VWA3B: variants seen among roughly 807,000 people sequenced by gnomAD.
The protein encoded by VWA3B is von Willebrand factor A domain containing 3B.
In VWA3B, 138 loss-of-function variants were observed where a neutral mutation model predicts 158.3. The ratio of observed to expected loss-of-function variants is 0.87; its 90% CI spans 0.76 to 1.00. The LOEUF is 1.00. VWA3B is among the 50% of genes least tolerant of loss of function. The probability of loss-of-function intolerance (pLI) is 0.00; values close to 1 mark genes in which losing one functional copy is unlikely to be tolerated. For synonymous variants in VWA3B, 596 were observed against 587.3 expected, an observed-to-expected ratio of 1.01 and a Z score of -0.21; for missense variants, 1,555 against 1,565.1, an observed-to-expected ratio of 0.99 and a Z score of 0.11.
chr2:98,302,410 T>C (rs577094894), intron 25 of VWA3B, among the ~76,000 whole-genome samples: 5 of 152,298 alleles, frequency 3.3e-5, no homozygotes, highest in South Asian at 4.1e-4. Flanking sequence ...CTCACAATTG[T>C]TTTTTAAATT....
At chr2:98,089,279 T>C (rs1042604003) in intron 1 of VWA3B, among the ~76,000 whole-genome samples, 2 of 152,146 alleles carry the variant, frequency 1.3e-5, no homozygotes, top group Admixed American at 6.5e-5. Flanking sequence ...TCCGTAGTCA[T>C]TGAACTGTCT....
At chr2:98,168,372 C>CAT (rs58636923) in intron 8 of VWA3B, among the ~76,000 whole-genome samples, 9,241 of 121,362 alleles carry the variant, frequency 0.076, 420 homozygotes, top group African/African-American at 0.16. Flanking sequence ...CTAATACACA[C>CAT]ACATACACAC....
intron 21 of VWA3B, among the ~76,000 whole-genome samples, chr2:98,260,358 A>C (rs1687406376): frequency 6.6e-6 from 1 of 151,726 alleles, no homozygotes; most frequent in Admixed American, 6.6e-5. Context: ...CCCTCCATGT[A>C]TTTGGGATCT....
intron 22 of VWA3B, among the ~76,000 whole-genome samples, chr2:98,286,644 A>G (rs941477034): frequency 2.0e-5 from 3 of 152,172 alleles, no homozygotes; most frequent in Non-Finnish European, 4.4e-5. Context: ...GCCATTGTAT[A>G]TAATCCTTCT....
At chr2:98,253,222 C>T (rs1185982996) in intron 20 of VWA3B, among the ~76,000 whole-genome samples, 1 of 152,122 alleles carries the variant, frequency 6.6e-6, no homozygotes, top group Admixed American at 6.5e-5. Flanking sequence ...ACATTTACCA[C>T]CCCCATCCCC....
chr2:98,294,228 A>G (rs917613590), intron 23 of VWA3B, among the ~76,000 whole-genome samples: 14 of 151,356 alleles, frequency 9.2e-5, no homozygotes, highest in African/African-American at 3.2e-4. Context: ...AAAAAAAAAA[A>G]AAGAAGGCCA....
rs372331193 is a variant in VWA3B at position 98,310,061 on chromosome 2, A to G, written c.3522-1758A>G. ...TTCAGGGCCAGCAGTAGCAATTCAG[A>G]TAGCAACAGCCTTTGCTTATCCATT... On this transcript the variant is annotated intron_variant, in intron 26 of 27. Transcript: ENST00000477737. Among the ~76,000 whole-genome samples the G allele has an allele frequency of 3.3e-5, 5 of 152,302 alleles. No homozygotes were observed. In the East Asian group the frequency reaches 5.8e-4, roughly 18 times the overall value.
chr2:98,202,723 G>A (rs1008482767), intron 12 of VWA3B, among the ~76,000 whole-genome samples: 3 of 151,930 alleles, frequency 2.0e-5, no homozygotes, highest in Non-Finnish European at 2.9e-5. Context: ...TGTTTTCCCC[G>A]TGTCCTTTTT....
intron 19 of VWA3B, among the ~76,000 whole-genome samples, chr2:98,239,618 A>G (rs983711580): frequency 2.0e-5 from 3 of 151,920 alleles, no homozygotes; most frequent in Non-Finnish European, 2.9e-5. Flanking sequence ...GAAAAATGTT[A>G]AGAAAAACAG....
rs535411241 is a variant in VWA3B, at chr2:98,103,432, T to C, written c.196+10144T>C. ...TAATATAATCATTTAAAATTGTAAG[T>C]ATTCCTCTAAGCATTGTTTTAGCTG... On this transcript the variant is annotated intron_variant, in intron 2 of 27. Transcript: ENST00000477737. Among the ~76,000 whole-genome samples the C allele has an allele frequency of 2.0e-5, 3 of 152,300 alleles. No homozygotes were observed. The East Asian group carries it at 5.8e-4, about 29-fold the overall frequency.
chr2:98,199,065 C>A (rs890046961), intron 12 of VWA3B, among the ~76,000 whole-genome samples: 1 of 144,622 alleles, frequency 6.9e-6, no homozygotes, highest in Non-Finnish European at 1.5e-5. Context: ...CCATCCTGGG[C>A]GACAGCGCGA....
intron 22 of VWA3B, among the ~76,000 whole-genome samples, chr2:98,273,518 A>G (rs1688332587): frequency 6.6e-6 from 1 of 152,228 alleles, no homozygotes; most frequent in African/African-American, 2.4e-5. Flanking sequence ...CCTCGCCTGC[A>G]TGCCCTGTGG....
Position 98,198,137 on chromosome 2 carries a change from C to T in VWA3B, c.1737+3645C>T, listed in dbSNP as rs148150103. On this transcript the variant is annotated intron_variant, in intron 12 of 27. Transcript: ENST00000477737. ...ATATTAAATAAGCAAACAAATCATGCGTTCATACTGATACCTCTAATTCCA... is the reference window on the plus strand; with the variant it reads ...ATATTAAATAAGCAAACAAATCATGTGTTCATACTGATACCTCTAATTCCA... Among the ~76,000 whole-genome samples, 1,222 of 152,062 alleles carry T rather than the reference C, an allele frequency of 8.0e-3. 16 individuals carry two copies. The highest frequency in any genetic ancestry group is 0.028 in the African/African-American group (1,169 of 41,468).
At chr2:98,313,690 C>T (rs750320609), downstream of VWA3B, among the ~76,000 whole-genome samples, 8 of 152,200 alleles carry the variant, frequency 5.3e-5, no homozygotes, top group Non-Finnish European at 1.0e-4. Flanking sequence ...TGCCAGCAGA[C>T]TTGGAAGGTG....
intron 17 of VWA3B, 76 bp downstream of exon 17, chr2:98,234,843 A>T: frequency 6.3e-7 from 1 of 1,584,906 alleles, no homozygotes; most frequent in Non-Finnish European, 8.6e-7. Flanking sequence ...AGCTGCGTGT[A>T]GATATGTTGG....
At chr2:98,099,671 C>T (rs886977124) in intron 2 of VWA3B, among the ~76,000 whole-genome samples, 5 of 152,084 alleles carry the variant, frequency 3.3e-5, no homozygotes, top group Non-Finnish European at 5.9e-5. Context: ...ACTCTTTCTA[C>T]CCCTTTATCA....
intron 22 of VWA3B, among the ~76,000 whole-genome samples, chr2:98,276,581 T>C (rs1037664024): frequency 2.6e-5 from 4 of 151,978 alleles, no homozygotes; most frequent in Admixed American, 2.0e-4. Flanking sequence ...GGGCTGCCCA[T>C]GTGTGTCCAG....
chr2:98,156,951 AC>A (rs1159192970), intron 7 of VWA3B, among the ~76,000 whole-genome samples: 1 of 151,946 alleles, frequency 6.6e-6, no homozygotes, highest in Non-Finnish European at 1.5e-5. Context: ...GGGAGCACCT[AC>A]CCTTTACCAT....
At chr2:98,185,707 A>C (rs1008370712) in intron 9 of VWA3B, among the ~76,000 whole-genome samples, 4 of 152,148 alleles carry the variant, frequency 2.6e-5, no homozygotes, top group Admixed American at 2.0e-4. Flanking sequence ...TATTTCTCCC[A>C]GGCCGAATTG....
Sources: allele counts gnomAD v4.1 joint callset (sites outside exome capture counted in the v4.1 genomes callset), GRCh38; gene constraint gnomAD v4.1.1; transcripts MANE v1.5; gene names NCBI Gene and HGNC (gene_info 2026-07-23, HGNC 2026-07-21).